The following CREB5 variants were observed in gnomAD, a reference collection of about 807,000 sequenced individuals.
The protein encoded by CREB5 is cAMP responsive element binding protein 5, also known as cyclic AMP-responsive element-binding protein 5.
A neutral mutation model predicts 57.1 loss-of-function variants in CREB5; 19 were observed. The ratio of observed to expected loss-of-function variants is 0.33; its 90% CI spans 0.23 to 0.49. The LOEUF (loss-of-function observed/expected upper bound fraction) is 0.49. Among genes scored for constraint, CREB5 ranks in the 20% least tolerant of loss-of-function variants. CREB5 has a pLI of 0.99. For missense variants in CREB5, 579 were observed against 671.6 expected, an observed-to-expected ratio of 0.86 and a Z score of 1.52; for synonymous variants, 238 against 238.3, an observed-to-expected ratio of 1.00 and a Z score of 0.01.
intron 4 of CREB5, among the ~76,000 whole-genome samples, chr7:28,528,782 A>AAG (rs1554337784): frequency 1.7e-4 from 25 of 148,672 alleles, no homozygotes; most frequent in Admixed American, 6.8e-4. Context: ...TAAAAAAAAA[A>AAG]AAGGCTTGCC....
At chr7:28,308,202 T>C (rs2127980656) in intron 1 of CREB5, among the ~76,000 whole-genome samples, 1 of 152,322 alleles carries the variant, frequency 6.6e-6, no homozygotes, top group Admixed American at 6.5e-5. Context: ...TTAAGCAACT[T>C]AAATAAAATT....
At chr7:28,567,845 G>A (rs1428950865) in intron 4 of CREB5, among the ~76,000 whole-genome samples, 1 of 152,182 alleles carries the variant, frequency 6.6e-6, no homozygotes, top group Non-Finnish European at 1.5e-5. Context: ...CTGGGAGGTA[G>A]GAAGGGTCCC....
chr7:28,562,328 G>A (rs1795306619), intron 4 of CREB5, among the ~76,000 whole-genome samples: 2 of 152,192 alleles, frequency 1.3e-5, no homozygotes, highest in African/African-American at 4.8e-5. Context: ...ACAGTCAAGG[G>A]TGGCACCTGA....
intron 1 of CREB5, among the ~76,000 whole-genome samples, chr7:28,351,077 A>G (rs190251691): frequency 1.5e-4 from 23 of 152,344 alleles, no homozygotes; most frequent in African/African-American, 5.3e-4. Flanking sequence ...TGCATTCTAA[A>G]GATGGATTAT....
intron 5 of CREB5, among the ~76,000 whole-genome samples, chr7:28,697,876 A>G (rs969699024): frequency 1.3e-5 from 2 of 152,184 alleles, no homozygotes; most frequent in African/African-American, 4.8e-5. Context: ...TTTGCCTCCT[A>G]AATTCAGCAG....
intron 1 of CREB5, among the ~76,000 whole-genome samples, chr7:28,440,462 G>T (rs1486246640): frequency 6.6e-6 from 1 of 152,176 alleles, no homozygotes; most frequent in Non-Finnish European, 1.5e-5. Context: ...GGAAGCCACT[G>T]CAGTGGTACC....
At chr7:28,668,970 G>C (rs754022188) in intron 5 of CREB5, among the ~76,000 whole-genome samples, 1 of 152,110 alleles carries the variant, frequency 6.6e-6, no homozygotes, top group East Asian at 1.9e-4. Flanking sequence ...CCGTGTAGTG[G>C]TATCCTTCCC....
At chr7:28,736,795 A>C (rs1312222942) in intron 7 of CREB5, among the ~76,000 whole-genome samples, 2 of 149,888 alleles carry the variant, frequency 1.3e-5, no homozygotes, top group African/African-American at 2.4e-5. Context: ...TATCCATGTC[A>C]GCTATGTACT....
intron 1 of CREB5, among the ~76,000 whole-genome samples, chr7:28,303,778 AG>A (rs1221157120): frequency 6.6e-6 from 1 of 152,220 alleles, no homozygotes; most frequent in Non-Finnish European, 1.5e-5. Context: ...ATGTTATTGC[AG>A]ATAAGAATTT....
intron 5 of CREB5, among the ~76,000 whole-genome samples, chr7:28,584,174 G>A (rs918027905): frequency 6.6e-6 from 1 of 152,146 alleles, no homozygotes; most frequent in Non-Finnish European, 1.5e-5. Flanking sequence ...CCCTGGGACA[G>A]TCCTTTACTT....
chr7:28,328,070 C>T (rs1453559866), intron 1 of CREB5, among the ~76,000 whole-genome samples: 1 of 152,132 alleles, frequency 6.6e-6, no homozygotes, highest in African/African-American at 2.4e-5. Flanking sequence ...AGCTGCAGCA[C>T]CCCTCAAACA....
chr7:28,698,518 G>A (rs1480411135), intron 5 of CREB5, among the ~76,000 whole-genome samples: 1 of 152,142 alleles, frequency 6.6e-6, no homozygotes, highest in Non-Finnish European at 1.5e-5. Context: ...GCACCATGAG[G>A]ATAGGCAGTA....
intron 5 of CREB5, among the ~76,000 whole-genome samples, chr7:28,698,442 C>T (rs909323547): frequency 2.6e-5 from 4 of 151,680 alleles, no homozygotes; most frequent in African/African-American, 9.7e-5. Flanking sequence ...AATAACCCCA[C>T]GACTCAAAAA....
chr7:28,700,596 G>T (rs1220629737), intron 5 of CREB5, among the ~76,000 whole-genome samples: 1 of 152,146 alleles, frequency 6.6e-6, no homozygotes, highest in Non-Finnish European at 1.5e-5. Context: ...AGTTAGGTGG[G>T]ACTAAAATCG....
At chr7:28,624,686 A>AC (rs1797935568) in intron 5 of CREB5, among the ~76,000 whole-genome samples, 1 of 149,518 alleles carries the variant, frequency 6.7e-6, no homozygotes, top group South Asian at 2.1e-4. Flanking sequence ...GAAAAAAAAA[A>AC]AAAAAAACAA....
chr7:28,321,292 C>T (rs770028112), intron 1 of CREB5, among the ~76,000 whole-genome samples: 3 of 152,052 alleles, frequency 2.0e-5, no homozygotes, highest in Non-Finnish European at 2.9e-5. Flanking sequence ...TCTTCCTCCT[C>T]GTCCTTCTTT....
Position 28,573,912 on chromosome 7 carries a change from G to C in CREB5, c.464+3375G>C, listed in dbSNP as rs540861497. 2.6e-5 allele frequency among the ~76,000 whole-genome samples: 4 copies of C among 152,314 alleles called. No individual in the cohort carries two copies. The South Asian group carries it at 8.3e-4, about 32-fold the overall frequency. ...CGTGCAACTTCCATTCCATACCACA[G>C]CAATCCATACCATGCCCTGCGCTCA... On this transcript the variant is annotated intron_variant, in intron 5 of 10. Coordinates refer to ENST00000357727, the MANE Select transcript of CREB5 (RefSeq NM_182898.4).
chr7:28,310,083 T>TG (rs1785249588), intron 1 of CREB5, among the ~76,000 whole-genome samples: 1 of 152,000 alleles, frequency 6.6e-6, no homozygotes, highest in Non-Finnish European at 1.5e-5. Flanking sequence ...AGCTAGACAT[T>TG]GGAGGGTGGA....
rs1447923501 is a variant in CREB5 at position 28,472,712 on chromosome 7, T to C, written c.4-15463T>C. 2.0e-5 allele frequency among the ~76,000 whole-genome samples: 3 copies of C among 152,326 alleles called. No individual in the cohort carries two copies. The South Asian group carries it at 6.2e-4, about 32-fold the overall frequency. On this transcript the variant is annotated intron_variant, in intron 1 of 10. Coordinates refer to ENST00000357727, the MANE Select transcript of CREB5 (RefSeq NM_182898.4). ...TCCCAGGATCCCCAGAGTGAATTAC[T>C]AGGACCCTCACGTTTCACTTGGGGA...
Sources: gnomAD v4.1 joint callset for allele counts (sites outside exome capture counted in the v4.1 genomes callset) on GRCh38, gnomAD v4.1.1 for gene constraint, MANE v1.5 for transcripts, NCBI Gene and HGNC (gene_info 2026-07-23, HGNC 2026-07-21) for gene names.